Variants in TMEM200A observed in about 807,000 individuals in gnomAD.
TMEM200A encodes transmembrane protein 200A.
TMEM200A carries 12 observed loss-of-function variants against 24.3 expected under a neutral mutation model. The observed-to-expected ratio is 0.49, with a 90% CI of 0.32 to 0.80. The LOEUF is 0.80. Among genes scored for constraint, TMEM200A ranks in the 30% least tolerant of loss-of-function variants. The pLI is 0.04. For missense variants in TMEM200A, 545 were observed against 614.4 expected, an observed-to-expected ratio of 0.89 and a Z score of 1.19; for synonymous variants, 224 against 224.4, an observed-to-expected ratio of 1.00 and a Z score of 0.02.
intron 2 of TMEM200A, among the ~76,000 whole-genome samples, chr6:130,416,327 GTCTCTCTCTC>G (rs140554338): frequency 3.8e-4 from 51 of 133,144 alleles, no homozygotes; most frequent in African/African-American, 1.6e-3. Context: ...CTCTCTCTCT[GTCTCTCTCTC>G]TGTGTGTGTG....
chr6:130,441,600 C>G lies in TMEM200A; in HGVS notation c.1178C>G (p.Ser393Ter). Residue 393 changes from serine (S) to a stop codon, truncating the protein, a stop_gained, in exon 3 of 3, where the codon TCA (serine) becomes TGA (stop). Coordinates refer to ENST00000296978, the MANE Select transcript of TMEM200A (RefSeq NM_001258277.2). LOFTEE classifies it high-confidence loss of function. ...GSNTSLHLLS[S>*]HSKSLDLDRG... ...AATACATCCTTGCATTTGCTCTCGT[C>G]ACACTCAAAGTCCTTGGACTTAGAC... 4 of 1,614,090 alleles carry G rather than the reference C, an allele frequency of 2.5e-6. No homozygotes were observed. Among genetic ancestry groups the G allele is most frequent in the Non-Finnish European group, 2.5e-6 (3 of 1,180,008 alleles).
At chr6:130,365,973 C>G (rs904815154), upstream of TMEM200A, 2 of 985,486 alleles carry the variant, frequency 2.0e-6, no homozygotes, top group Non-Finnish European at 2.4e-6. Flanking sequence ...GCCCCCAACC[C>G]GCCTCTTCGG....
intron 2 of TMEM200A, among the ~76,000 whole-genome samples, chr6:130,439,883 C>G (rs1393575203): frequency 6.6e-6 from 1 of 152,158 alleles, no homozygotes; most frequent in Admixed American, 6.5e-5. Context: ...TGACGACTTT[C>G]ACAAGAGAGG....
At chr6:130,394,807 C>T (rs1778911930) in intron 2 of TMEM200A, among the ~76,000 whole-genome samples, 2 of 152,156 alleles carry the variant, frequency 1.3e-5, no homozygotes, top group Non-Finnish European at 2.9e-5. Flanking sequence ...GGATAGTGGG[C>T]ATGGTTTACT....
At chr6:130,414,749 C>T (rs1341520583) in intron 2 of TMEM200A, among the ~76,000 whole-genome samples, 1 of 152,196 alleles carries the variant, frequency 6.6e-6, no homozygotes, top group Non-Finnish European at 1.5e-5. Context: ...TGGATTCCAC[C>T]TTCATTCAAT....
At chr6:130,433,399 A>G (rs1779926549) in intron 2 of TMEM200A, among the ~76,000 whole-genome samples, 1 of 152,134 alleles carries the variant, frequency 6.6e-6, no homozygotes, top group Non-Finnish European at 1.5e-5. Flanking sequence ...CGGCCTCCCA[A>G]AGTTTTGGGA....
intron 2 of TMEM200A, among the ~76,000 whole-genome samples, chr6:130,421,818 C>G (rs1386572565): frequency 1.3e-5 from 2 of 152,066 alleles, no homozygotes; most frequent in African/African-American, 4.8e-5. Context: ...TTTCACTTAA[C>G]ATAATGTCTT....
chr6:130,402,169 A>T (rs1011609501), intron 2 of TMEM200A, among the ~76,000 whole-genome samples: 2 of 152,010 alleles, frequency 1.3e-5, no homozygotes, highest in Admixed American at 1.3e-4. Context: ...GAAATATCAC[A>T]ATTTGCCATA....
chr6:130,430,433 G>A (rs1032984292), intron 2 of TMEM200A, among the ~76,000 whole-genome samples: 2 of 152,070 alleles, frequency 1.3e-5, no homozygotes, highest in African/African-American at 4.8e-5. Flanking sequence ...AAAACAGACC[G>A]AGAAATACAT....
intron 2 of TMEM200A, among the ~76,000 whole-genome samples, chr6:130,393,800 A>G (rs1778890978): frequency 6.6e-6 from 1 of 152,242 alleles, no homozygotes; most frequent in Non-Finnish European, 1.5e-5. Flanking sequence ...TTATGCCATG[A>G]TGTCTGAAAA....
At chr6:130,373,061 G>C (rs1394394661) in intron 1 of TMEM200A, among the ~76,000 whole-genome samples, 1 of 151,930 alleles carries the variant, frequency 6.6e-6, no homozygotes, top group Non-Finnish European at 1.5e-5. Flanking sequence ...AACTGCTGGG[G>C]AGAAAAAAAA....
Position 130,405,094 on chromosome 6 carries a change from G to A in TMEM200A, c.-17+19858G>A, listed in dbSNP as rs186989830. Among the ~76,000 whole-genome samples the A allele has an allele frequency of 7.9e-5, 12 of 152,216 alleles. No homozygotes were observed. The East Asian group carries it at 1.7e-3, about 22-fold the overall frequency. ...TTGAAGTCAGGTAGGGTAGCATGACGCCTCCAGCTTTGCTCTTTTTGCTTA... is the reference window on the plus strand; with the variant it reads ...TTGAAGTCAGGTAGGGTAGCATGACACCTCCAGCTTTGCTCTTTTTGCTTA... On this transcript the variant is annotated intron_variant, in intron 2 of 2. Coordinates refer to ENST00000296978, the MANE Select transcript of TMEM200A (RefSeq NM_001258277.2).
intron 2 of TMEM200A, among the ~76,000 whole-genome samples, chr6:130,435,939 C>G (rs947706199): frequency 2.0e-5 from 3 of 152,168 alleles, no homozygotes; most frequent in East Asian, 1.9e-4. Context: ...CAAGGTGAGG[C>G]CTTCAAACTT....
At chr6:130,374,964 A>G (rs567101919) in intron 1 of TMEM200A, among the ~76,000 whole-genome samples, 40 of 152,210 alleles carry the variant, frequency 2.6e-4, no homozygotes, top group Non-Finnish European at 4.9e-4. Flanking sequence ...ACTGAGAGTA[A>G]AGGGAACTAT....
intron 1 of TMEM200A, among the ~76,000 whole-genome samples, chr6:130,369,856 T>C (rs1403984580): frequency 6.6e-6 from 1 of 152,206 alleles, no homozygotes; most frequent in Non-Finnish European, 1.5e-5. Context: ...ATCACTCTGC[T>C]CTGAGCATGA....
At chr6:130,407,526 T>C (rs1779233502) in intron 2 of TMEM200A, among the ~76,000 whole-genome samples, 1 of 152,240 alleles carries the variant, frequency 6.6e-6, no homozygotes, top group African/African-American at 2.4e-5. Flanking sequence ...ATTAGCACTC[T>C]TTGGAGGAAT....
At chr6:130,437,115 T>G (rs1780041218) in intron 2 of TMEM200A, 1 of 152,200 alleles carries the variant, frequency 6.6e-6, no homozygotes, top group African/African-American at 2.4e-5. Flanking sequence ...TGTGTATAAA[T>G]TGCAAGCATT....
intron 2 of TMEM200A, among the ~76,000 whole-genome samples, chr6:130,425,468 G>A (rs1168211251): frequency 3.3e-5 from 5 of 152,160 alleles, no homozygotes; most frequent in Non-Finnish European, 7.4e-5. Flanking sequence ...TAGGAAGAAA[G>A]GAGAGTCCTC....
intron 2 of TMEM200A, among the ~76,000 whole-genome samples, chr6:130,407,245 G>C (rs1433837640): frequency 6.6e-6 from 1 of 152,154 alleles, no homozygotes; most frequent in Non-Finnish European, 1.5e-5. Context: ...GAAATACAGT[G>C]ACAGAAGCAA....
Sources: allele counts gnomAD v4.1 joint callset (sites outside exome capture counted in the v4.1 genomes callset), GRCh38; gene constraint gnomAD v4.1.1; transcripts MANE v1.5; gene names NCBI Gene and HGNC (gene_info 2026-07-23, HGNC 2026-07-21).